The following DUT variants were observed in gnomAD, a reference collection of about 807,000 sequenced individuals.
The protein encoded by DUT is deoxyuridine 5'-triphosphate nucleotidohydrolase, mitochondrial.
Under a neutral mutation model 28.8 loss-of-function variants are expected in DUT, and 21 were observed. The observed-to-expected ratio is 0.73, with a 90% CI of 0.52 to 1.05. DUT has a LOEUF of 1.05. Among genes scored for constraint, DUT ranks in the 50% least tolerant of loss-of-function variants. The probability of loss-of-function intolerance (pLI) is 0.00; values close to 1 mark genes in which losing one functional copy is unlikely to be tolerated. For missense variants in DUT, 344 were observed against 351.8 expected, an observed-to-expected ratio of 0.98 and a Z score of 0.18; for synonymous variants, 147 against 143.7, an observed-to-expected ratio of 1.02 and a Z score of -0.17.
chr15:48,337,274 T>C (rs1451493233), intron 4 of DUT, among the ~76,000 whole-genome samples: 2 of 152,204 alleles, frequency 1.3e-5, no homozygotes, highest in African/African-American at 4.8e-5. Context: ...AAAAATGCTT[T>C]TACAAGGTCA....
intron 6 of DUT, 87 bp from the exon 7 acceptor site, chr15:48,341,935 G>A: frequency 1.1e-6 from 1 of 947,630 alleles, no homozygotes; most frequent in Non-Finnish European, 1.6e-6. Context: ...GTAGAATTCT[G>A]GCTGTATTTT....
At chr15:48,331,173 G>GC (rs1597477009), upstream of DUT, 22 of 1,518,346 alleles carry the variant, frequency 1.4e-5, no homozygotes, top group East Asian at 5.6e-4. Flanking sequence ...AGTCATGGCT[G>GC]CGGGCGGTGC....
intron 3 of DUT, 24 bp downstream of exon 3, chr15:48,334,532 A>T: frequency 6.6e-7 from 1 of 1,521,818 alleles, no homozygotes. Context: ...GAAACAGGTA[A>T]CTATTTGTCA....
upstream of DUT, chr15:48,331,210 A>G (rs1267408042): frequency 6.6e-6 from 10 of 1,515,590 alleles, no homozygotes; most frequent in Non-Finnish European, 8.8e-6. Flanking sequence ...GTCCAGGAGC[A>G]GGGCCCGGGC....
rs532656179 is a variant in DUT at position 48,342,072 on chromosome 15, G to T, written c.753G>T (p.Lys251Asn). ...RGSGGFGSTG[K>N]N ...CAGGAGGTTTTGGTTCCACTGGAAA[G>T]AATTAAAATTTATGCCAAGAACAGA... The change falls in exon 7 of 7, where the codon AAG becomes AAT. Residue 251 changes from lysine (K) to asparagine (N), a missense_variant. Lys to Asn is a moderately conservative substitution (Grantham distance 94). Coordinates refer to ENST00000331200, the MANE Select transcript of DUT (RefSeq NM_001025248.2). The T allele has an allele frequency of 1.9e-6, 3 of 1,540,210 alleles. No homozygotes were observed. The highest frequency in any genetic ancestry group is 2.5e-5 in the South Asian group (2 of 78,968).
Position 48,331,467 on chromosome 15 carries a change from C to A in DUT, c.-49C>A. The A allele has an allele frequency of 6.2e-7, 1 of 1,603,004 alleles. No individual in the cohort carries two copies. Among genetic ancestry groups the A allele is most frequent in the Non-Finnish European group, 8.5e-7 (1 of 1,175,592 alleles). Reference sequence around the variant, plus strand: ...GCGCGTCTTCAGGGTGGAAGCCTGGCGCACGTCCGGAGGTGCCGAGGACCC... The same window carrying A: ...GCGCGTCTTCAGGGTGGAAGCCTGGAGCACGTCCGGAGGTGCCGAGGACCC... On this transcript the variant is annotated 5_prime_UTR_variant, in exon 1 of 7. Transcript: ENST00000331200.
rs776436489 is a variant in DUT at position 48,331,498 on chromosome 15, G to C, written c.-18G>C. 6 of 1,611,160 alleles carry C rather than the reference G, an allele frequency of 3.7e-6. No individual in the cohort carries two copies. The Admixed American group carries it at 8.3e-5, about 22-fold the overall frequency. ...TCCGGAGGTGCCGAGGACCCAACCA[G>C]CCCAAACTCTGGGGGAAATGACTCC... On this transcript the variant is annotated 5_prime_UTR_variant, in exon 1 of 7. Coordinates refer to ENST00000331200, the MANE Select transcript of DUT (RefSeq NM_001025248.2).
In DUT at chr15:48,334,422, A is replaced by G. The variant is rs373184762; in HGVS notation, c.425A>G (p.Tyr142Cys). Residue 142 changes from tyrosine to cysteine, a missense_variant, in exon 3 of 7, where the codon TAT becomes TGT. By Grantham distance (194) the Tyr-to-Cys change is radical. Transcript: ENST00000331200. The part of the protein sequence containing the change: ...RAAGYDLYSA[Y>C]DYTIPPMEKA... ...TTCTTTCAATATTTTCTTAGTGCCT[A>G]TGATTACACAATACCACCTATGGAG... The G allele has an allele frequency of 1.1e-4, 176 of 1,580,970 alleles. No individual in the cohort carries two copies. Among genetic ancestry groups the G allele is most frequent in the Non-Finnish European group, 1.5e-4 (172 of 1,159,642 alleles).
intron 1 of DUT, 57 bp from the exon 2 acceptor site, chr15:48,332,211 T>A (rs1389418606): frequency 6.5e-7 from 1 of 1,536,436 alleles, no homozygotes; most frequent in Non-Finnish European, 8.7e-7. Context: ...TGCGCTCTCC[T>A]CTTCCCCCGG....
At chr15:48,340,934 G>A (rs1377846665) in intron 4 of DUT, among the ~76,000 whole-genome samples, 1 of 152,132 alleles carries the variant, frequency 6.6e-6, no homozygotes, top group Admixed American at 6.6e-5. Context: ...CTGATACCAG[G>A]AAAAACCTTT....
At chr15:48,334,207 T>C (rs2141159685) in intron 2 of DUT, among the ~76,000 whole-genome samples, 1 of 152,314 alleles carries the variant, frequency 6.6e-6, no homozygotes, top group Middle Eastern at 3.4e-3. Flanking sequence ...TCTAAAGCTG[T>C]CTTTTTAATA....
At chr15:48,338,377 A>T (rs2141165324) in intron 4 of DUT, among the ~76,000 whole-genome samples, 1 of 152,312 alleles carries the variant, frequency 6.6e-6, no homozygotes, top group South Asian at 2.1e-4. Context: ...CTTTACAGAT[A>T]CGTTAGCAGA....
At chr15:48,332,151 G>T in intron 1 of DUT, 117 bp from the exon 2 acceptor site, 7 of 1,423,394 alleles carry the variant, frequency 4.9e-6, no homozygotes, top group Non-Finnish European at 6.4e-6. Context: ...GTGGGGCGGG[G>T]CTGGCGGGAA....
chr15:48,334,692 AC>A (rs2042456117), intron 3 of DUT, among the ~76,000 whole-genome samples, 184 bp downstream of exon 3: 1 of 152,044 alleles, frequency 6.6e-6, no homozygotes, highest in Admixed American at 6.5e-5. Flanking sequence ...CCTCTTTTTG[AC>A]CCTTTTATTT....
chr15:48,334,596 ATATTGCT>A, intron 3 of DUT, 88 bp downstream of exon 3: 1 of 945,046 alleles, frequency 1.1e-6, no homozygotes, highest in Non-Finnish European at 1.7e-6. Flanking sequence ...TAAGCAGGCA[ATATTGCT>A]TGGGCTGTGT....
At chr15:48,341,006 G>A (rs958777823) in intron 4 of DUT, 2 of 275,078 alleles carry the variant, frequency 7.3e-6, no homozygotes, top group Non-Finnish European at 1.4e-5. Flanking sequence ...TAGACAGTAG[G>A]TTGGAGATGG....
rs1459085453 is a variant in DUT at position 48,342,715 on chromosome 15, A to G, written c.*637A>G. 6.6e-6 allele frequency: 1 copy of G among 152,162 alleles called. No individual in the cohort carries two copies. Among genetic ancestry groups the G allele is most frequent in the South Asian group, 2.1e-4 (1 of 4,824 alleles). The allele number at this position is 152,162 out of a possible 1,614,324, so 9.4% of individuals were successfully genotyped here. On this transcript the variant is annotated 3_prime_UTR_variant, in exon 7 of 7. Transcript: ENST00000331200. The stretch of plus-strand genomic sequence containing the variant: ...AATCCTCTATTGACTGGGTAGAGGT[A>G]TGTTTGTGAAAGACATGTAACTTGG...
At chr15:48,331,273 G>A (rs551451255), upstream of DUT, 5 of 1,456,164 alleles carry the variant, frequency 3.4e-6, no homozygotes, top group South Asian at 7.0e-5. Flanking sequence ...AAGAGCGAAA[G>A]CAAGAGGGCT....
chr15:48,333,388 A>G (rs2042440814), intron 2 of DUT, among the ~76,000 whole-genome samples: 1 of 152,192 alleles, frequency 6.6e-6, no homozygotes, highest in Admixed American at 6.5e-5. Flanking sequence ...TCCAAAGTAT[A>G]TTTTGGAGCA....
Sources: allele counts gnomAD v4.1 joint callset (sites outside exome capture counted in the v4.1 genomes callset), GRCh38; gene constraint gnomAD v4.1.1; transcripts MANE v1.5; gene names NCBI Gene and HGNC (gene_info 2026-07-23, HGNC 2026-07-21).